Variants in WLS observed in about 807,000 individuals in gnomAD.
WLS encodes Wnt ligand secretion mediator.
Under a neutral mutation model 62.8 loss-of-function variants are expected in WLS, and 23 were observed. The ratio of observed to expected loss-of-function variants is 0.37; its 90% CI spans 0.26 to 0.52. The LOEUF is 0.52. Among genes scored for constraint, WLS ranks in the 20% least tolerant of loss-of-function variants. WLS has a pLI of 0.92. For synonymous variants in WLS, 246 were observed against 244.1 expected (o/e 1.01, Z -0.07); for missense variants, 615 against 697.3 (o/e 0.88, Z 1.33).
At chr1:68,147,148 A>G (rs1409311027) in intron 8 of WLS, among the ~76,000 whole-genome samples, 1 of 152,208 alleles carries the variant, frequency 6.6e-6, no homozygotes, top group Non-Finnish European at 1.5e-5. Flanking sequence ...CTTCTTTCCT[A>G]TAATGAACAT....
intron 11 of WLS, among the ~76,000 whole-genome samples, chr1:68,131,469 T>G (rs977130715): frequency 2.0e-5 from 3 of 151,752 alleles, no homozygotes; most frequent in Admixed American, 6.6e-5. Context: ...CAGAGTGGCT[T>G]TGGTGGACAG....
At chr1:68,127,056 G>A in intron 11 of WLS, 1 of 395,764 alleles carries the variant, frequency 2.5e-6, no homozygotes, top group Non-Finnish European at 5.0e-6. Context: ...TTACCTGCGT[G>A]CAGTAACTCA....
chr1:68,115,097 C>G (rs372632836), intron 11 of WLS, among the ~76,000 whole-genome samples: 1 of 152,194 alleles, frequency 6.6e-6, no homozygotes, highest in East Asian at 1.9e-4. Context: ...TAATGATACA[C>G]CCCCCACCAC....
chr1:68,230,578 T>TGC (rs1244530057), intron 1 of WLS, among the ~76,000 whole-genome samples: 1 of 86,410 alleles, frequency 1.2e-5, no homozygotes, highest in African/African-American at 3.4e-5. Context: ...CCCGTGTGTG[T>TGC]GTGTGCGCGC....
At chr1:68,098,960 C>A in intron 11 of WLS, 1 of 649,092 alleles carries the variant, frequency 1.5e-6, no homozygotes, top group Non-Finnish European at 2.4e-6. Flanking sequence ...TCAATAGCAC[C>A]TCCTCCCTCA....
intron 11 of WLS, among the ~76,000 whole-genome samples, chr1:68,129,026 TAAAAATATCCGCATACAGCC>T (rs1260393869): frequency 5.3e-5 from 8 of 150,296 alleles, no homozygotes; most frequent in Non-Finnish European, 1.0e-4. Context: ...GCATTACAGC[TAAAAATATCCGCATACAGCC>T]GGGTGCGGTG....
chr1:68,108,927 A>G (rs978639072), intron 11 of WLS, among the ~76,000 whole-genome samples: 1 of 152,250 alleles, frequency 6.6e-6, no homozygotes, highest in African/African-American at 2.4e-5. Context: ...AGTAGAATTC[A>G]ATATGAAAGT....
intron 2 of WLS, chr1:68,162,846 G>A: frequency 7.4e-7 from 1 of 1,356,912 alleles, no homozygotes; most frequent in Non-Finnish European, 1.1e-6. Context: ...TGATGGTGTG[G>A]TACATCATGG....
At chr1:68,158,592 A>C (rs986865429) in intron 3 of WLS, among the ~76,000 whole-genome samples, 1 of 143,878 alleles carries the variant, frequency 7.0e-6, no homozygotes, top group Non-Finnish European at 1.5e-5. Context: ...TGATGAGCTA[A>C]AAAAAAAAAA....
chr1:68,191,201 G>T (rs1369248910), intron 2 of WLS, among the ~76,000 whole-genome samples: 1 of 152,110 alleles, frequency 6.6e-6, no homozygotes, highest in Admixed American at 6.5e-5. Flanking sequence ...GGAGCTAGAA[G>T]TAGGGATCTG....
chr1:68,181,595 G>A (rs1046353825), intron 2 of WLS, among the ~76,000 whole-genome samples: 7 of 152,134 alleles, frequency 4.6e-5, no homozygotes, highest in South Asian at 4.1e-4. Context: ...CTTAGAGTCC[G>A]CTGTTTGGTA....
At chr1:68,153,153 T>G (rs554693991) in intron 5 of WLS, among the ~76,000 whole-genome samples, 1 of 152,180 alleles carries the variant, frequency 6.6e-6, no homozygotes, top group East Asian at 1.9e-4. Flanking sequence ...CATACACCTG[T>G]GGTTCTAGCT....
intron 8 of WLS, among the ~76,000 whole-genome samples, chr1:68,146,989 G>A (rs968609952): frequency 4.6e-5 from 7 of 151,948 alleles, no homozygotes; most frequent in African/African-American, 1.5e-4. Context: ...AGGTTCAAGC[G>A]ATTCTCCTGC....
At chr1:68,169,973 C>T (rs917858385) in intron 2 of WLS, among the ~76,000 whole-genome samples, 1 of 152,104 alleles carries the variant, frequency 6.6e-6, no homozygotes, top group Admixed American at 6.6e-5. Flanking sequence ...GGACCACAGC[C>T]CACCTTAGCT....
chr1:68,168,807 A>G (rs1451657812), intron 2 of WLS, among the ~76,000 whole-genome samples: 1 of 152,182 alleles, frequency 6.6e-6, no homozygotes, highest in Non-Finnish European at 1.5e-5. Flanking sequence ...GGAGTTATTT[A>G]TGCCAGCATT....
intron 2 of WLS, among the ~76,000 whole-genome samples, chr1:68,164,292 CTT>C (rs941904020): frequency 1.3e-5 from 2 of 151,298 alleles, no homozygotes; most frequent in Non-Finnish European, 2.9e-5. Context: ...GAGTTTTGCT[CTT>C]GTTACCCAGG....
At chr1:68,183,014 C>T (rs1647677768) in intron 2 of WLS, among the ~76,000 whole-genome samples, 1 of 152,132 alleles carries the variant, frequency 6.6e-6, no homozygotes, top group Non-Finnish European at 1.5e-5. Flanking sequence ...GATTCTCCTG[C>T]CTCAGCCTCC....
intron 2 of WLS, among the ~76,000 whole-genome samples, chr1:68,186,109 T>C (rs565591845): frequency 6.6e-6 from 1 of 152,338 alleles, no homozygotes; most frequent in Admixed American, 6.5e-5. Flanking sequence ...AGGAAATTTA[T>C]TACTATAAAG....
chr1:68,120,859 GA>G (rs1570824447), downstream of WLS, among the ~76,000 whole-genome samples: 1 of 152,164 alleles, frequency 6.6e-6, no homozygotes, highest in East Asian at 1.9e-4. Flanking sequence ...TTTGTACTTG[GA>G]AAAGACTTAA....
Sources: allele counts gnomAD v4.1 joint callset (sites outside exome capture counted in the v4.1 genomes callset), GRCh38; gene constraint gnomAD v4.1.1; transcripts MANE v1.5; gene names NCBI Gene and HGNC (gene_info 2026-07-23, HGNC 2026-07-21).